Variants in PLA2R1 observed in about 807,000 individuals in gnomAD.
PLA2R1 encodes secretory phospholipase A2 receptor.
In PLA2R1, 158 loss-of-function variants were observed where a neutral mutation model predicts 195.9. The observed-to-expected ratio is 0.81, with a 90% CI of 0.71 to 0.92. The LOEUF is 0.92. Ranked by LOEUF, PLA2R1 falls within the 40% of genes least tolerant of loss-of-function variation. The pLI is 0.00. For synonymous variants in PLA2R1, 586 were observed against 598.2 expected, an observed-to-expected ratio of 0.98 and a Z score of 0.30; for missense variants, 1,626 against 1,764.6, an observed-to-expected ratio of 0.92 and a Z score of 1.41.
In PLA2R1 at chr2:160,031,923, C is replaced by T. The variant is rs532245500; in HGVS notation, c.841+1036G>A. On this transcript the variant is annotated intron_variant, in intron 4 of 29. Coordinates refer to ENST00000283243, the MANE Select transcript of PLA2R1 (RefSeq NM_007366.5). ...CTGGGACTACGGGTGCATGCCACCACGTCCGGCAAATTTTTGTATTTTTAG... is the reference window on the plus strand; with the variant it reads ...CTGGGACTACGGGTGCATGCCACCATGTCCGGCAAATTTTTGTATTTTTAG... 1.1e-4 allele frequency among the ~76,000 whole-genome samples: 16 copies of T among 152,228 alleles called. No individual in the cohort carries two copies. The East Asian group carries it at 2.5e-3, about 24-fold the overall frequency.
chr2:159,952,257 T>C (rs1399479972), intron 23 of PLA2R1, among the ~76,000 whole-genome samples: 3 of 152,200 alleles, frequency 2.0e-5, no homozygotes, highest in Admixed American at 6.5e-5. Context: ...TGAGAGTCTG[T>C]GAGTGGCTGT....
downstream of PLA2R1, among the ~76,000 whole-genome samples, chr2:159,930,000 G>A (rs946647582): frequency 3.3e-5 from 5 of 152,076 alleles, no homozygotes; most frequent in African/African-American, 9.7e-5. Flanking sequence ...ACCAAACGTC[G>A]TATGTTCTCA....
intron 11 of PLA2R1, among the ~76,000 whole-genome samples, chr2:160,001,014 A>C (rs1178335282): frequency 1.3e-5 from 2 of 152,130 alleles, no homozygotes; most frequent in Non-Finnish European, 2.9e-5. Flanking sequence ...GAGTTGTGTA[A>C]AACCAACCAT....
In PLA2R1 at chr2:159,983,994, A is replaced by G. The variant is rs765542283; in HGVS notation, c.2117T>C (p.Leu706Pro). 2.8e-5 allele frequency: 45 copies of G among 1,602,398 alleles called. No homozygotes were observed. Among genetic ancestry groups the G allele is most frequent in the Non-Finnish European group, 3.8e-5 (45 of 1,169,786 alleles). Residue 706 changes from leucine (L) to proline (P), a missense_variant, in exon 13 of 30, where the codon CTT (leucine) becomes CCT (proline). Coordinates refer to ENST00000283243, the MANE Select transcript of PLA2R1 (RefSeq NM_007366.5). Reference protein sequence around the residue: ...EAFCEEFGAHLASFAHIEEEN... With the variant: ...EAFCEEFGAHPASFAHIEEEN... Reference sequence around the variant, plus strand: ...TTCCTCAATATGGGCAAAGCTTGCAAGATGAGCTCCAAATTCTTCGCAAAA... The same window carrying G: ...TTCCTCAATATGGGCAAAGCTTGCAGGATGAGCTCCAAATTCTTCGCAAAA...
intron 1 of PLA2R1, among the ~76,000 whole-genome samples, chr2:160,049,211 T>C (rs972058499): frequency 6.6e-6 from 1 of 152,192 alleles, no homozygotes; most frequent in Non-Finnish European, 1.5e-5. Flanking sequence ...GTGGTTCTAC[T>C]TTCTACTTCT....
chr2:159,963,304 G>A (rs754395950), intron 20 of PLA2R1, among the ~76,000 whole-genome samples: 2 of 152,078 alleles, frequency 1.3e-5, no homozygotes, highest in Non-Finnish European at 2.9e-5. Context: ...AACACACAGG[G>A]GCAAATCTTC....
chr2:159,954,312 G>A (rs1205949015), intron 23 of PLA2R1, among the ~76,000 whole-genome samples: 2 of 151,618 alleles, frequency 1.3e-5, no homozygotes, highest in Non-Finnish European at 2.9e-5. Flanking sequence ...TCCCTACAAG[G>A]CTCTGCTGTT....
intron 11 of PLA2R1, among the ~76,000 whole-genome samples, chr2:160,002,623 C>A (rs549748711): frequency 6.6e-6 from 1 of 152,074 alleles, no homozygotes; most frequent in African/African-American, 2.4e-5. Flanking sequence ...TTAAAAAATG[C>A]GGATTCTTGG....
chr2:160,031,927 C>T (rs140626513), intron 4 of PLA2R1, among the ~76,000 whole-genome samples: 14 of 152,180 alleles, frequency 9.2e-5, no homozygotes, highest in African/African-American at 2.2e-4. Flanking sequence ...CCACCACGTC[C>T]GGCAAATTTT....
chr2:159,983,372 G>A (rs1353835759), intron 13 of PLA2R1, among the ~76,000 whole-genome samples: 2 of 151,634 alleles, frequency 1.3e-5, no homozygotes, highest in Non-Finnish European at 2.9e-5. Context: ...TTGCAAGATG[G>A]ATACAGATAA....
At chr2:160,015,870 T>C (rs1045451242) in intron 9 of PLA2R1, among the ~76,000 whole-genome samples, 2 of 152,192 alleles carry the variant, frequency 1.3e-5, no homozygotes, top group African/African-American at 4.8e-5. Context: ...TAAAGCATAG[T>C]TGCATAAAGA....
chr2:159,930,881 G>A (rs1457330534), downstream of PLA2R1, among the ~76,000 whole-genome samples: 3 of 152,182 alleles, frequency 2.0e-5, no homozygotes, highest in Admixed American at 2.0e-4. Context: ...CAGCACCTCC[G>A]TGATTTCCTT....
Position 159,967,610 on chromosome 2 carries a change from T to C in PLA2R1, c.2833A>G (p.Ile945Val), listed in dbSNP as rs1688871358. 6.2e-7 allele frequency: 1 copy of C among 1,613,742 alleles called. No homozygotes were observed. The highest frequency in any genetic ancestry group is 8.5e-7 in the Non-Finnish European group (1 of 1,179,680). The change falls in exon 20 of 30, where the codon ATA (isoleucine) becomes GTA (valine). Residue 945 changes from isoleucine to valine, a missense_variant. Transcript: ENST00000283243. ...SICKRKKVWL[I>V]EKKKDTPKQH... ...TTTGGTGTATCTTTCTTTTTCTCTA[T>C]GAGCCAAACCTTTTTTCGCTTACAG...
intron 11 of PLA2R1, among the ~76,000 whole-genome samples, chr2:159,998,527 A>G (rs1691381656): frequency 1.3e-5 from 2 of 152,136 alleles, no homozygotes; most frequent in Admixed American, 1.3e-4. Flanking sequence ...AATAACCTCA[A>G]TGAAGAACAC....
chr2:160,020,899 G>A (rs1372624539), intron 7 of PLA2R1, among the ~76,000 whole-genome samples: 2 of 152,222 alleles, frequency 1.3e-5, no homozygotes, highest in Non-Finnish European at 2.9e-5. Flanking sequence ...AAGTGAGGCA[G>A]AATGTGAGCT....
At chr2:160,057,733 T>C (rs1237643696) in intron 1 of PLA2R1, among the ~76,000 whole-genome samples, 1 of 152,188 alleles carries the variant, frequency 6.6e-6, no homozygotes, top group Admixed American at 6.5e-5. Flanking sequence ...GGGGCCAGTG[T>C]CATATCCTAC....
At chr2:160,016,503 AAGAGAGGAGAGAG>A in intron 9 of PLA2R1, 98 bp downstream of exon 9, 2 of 668,338 alleles carry the variant, frequency 3.0e-6, no homozygotes, top group South Asian at 3.6e-5. Context: ...AGAGAGATGA[AAGAGAGGAGAGAG>A]AGAGAGGAGA....
intron 4 of PLA2R1, among the ~76,000 whole-genome samples, chr2:160,032,588 T>C (rs149613663): frequency 6.6e-6 from 1 of 152,346 alleles, no homozygotes; most frequent in East Asian, 1.9e-4. Flanking sequence ...AAGATTTTGT[T>C]TAATTAATAA....
rs1388741876 is a variant in PLA2R1 at position 159,941,855 on chromosome 2, A to G, written c.4315T>C (p.Tyr1439His). 6 of 1,612,906 alleles carry G rather than the reference A, an allele frequency of 3.7e-6. No individual in the cohort carries two copies. The highest frequency in any genetic ancestry group is 5.1e-6 in the Non-Finnish European group (6 of 1,178,906). ...ACTGTACTAAAGTTGGTTGCAGGAT[A>G]GTAAGGATTCCGAAACCCTGCAAGT... ...RRLAGFRNPY[Y>H]PATNFSTVYL... Residue 1439 changes from tyrosine to histidine, a missense_variant, in exon 30 of 30, where the codon TAT becomes CAT. By Grantham distance (83) the Tyr-to-His change is moderately conservative. Transcript: ENST00000283243.
Sources: gnomAD v4.1 joint callset for allele counts (sites outside exome capture counted in the v4.1 genomes callset) on GRCh38, gnomAD v4.1.1 for gene constraint, MANE v1.5 for transcripts, NCBI Gene and HGNC (gene_info 2026-07-23, HGNC 2026-07-21) for gene names.